DLG2: variants seen among roughly 807,000 people sequenced by gnomAD.
The protein encoded by DLG2 is disks large homolog 2.
DLG2 carries 45 observed loss-of-function variants against 132.5 expected under a neutral mutation model. The ratio of observed to expected loss-of-function variants is 0.34; its 90% CI spans 0.27 to 0.44. The LOEUF (loss-of-function observed/expected upper bound fraction) is 0.44, where lower values mean the gene tolerates loss of function less well. DLG2 is among the 20% of genes least tolerant of loss of function. The pLI, the probability that DLG2 is intolerant of heterozygous loss-of-function variation, is 1.00. For synonymous variants in DLG2, 424 were observed against 419.6 expected (o/e 1.01, Z -0.13); for missense variants, 1,045 against 1,196.9 (o/e 0.87, Z 1.87).
chr11:84,955,396 C>A (rs1383992567), intron 6 of DLG2: 2 of 152,166 alleles, frequency 1.3e-5, no homozygotes, highest in East Asian at 1.9e-4. Flanking sequence ...ACATGGCCAG[C>A]AAGTGGCAGA....
intron 19 of DLG2, among the ~76,000 whole-genome samples, chr11:83,608,733 CAGAGAG>C (rs35163308): frequency 6.7e-6 from 1 of 149,468 alleles, no homozygotes; most frequent in Non-Finnish European, 1.5e-5. Context: ...CGCACACACA[CAGAGAG>C]AGAGAGAGAG....
chr11:85,386,771 A>G (rs1439572276), intron 3 of DLG2, among the ~76,000 whole-genome samples: 1 of 151,600 alleles, frequency 6.6e-6, no homozygotes, highest in Admixed American at 6.6e-5. Context: ...TTAATAAATG[A>G]TAGTGAAAAA....
Position 85,057,293 on chromosome 11 carries a change from C to A in DLG2, c.357+54368G>T, listed in dbSNP as rs1310649770. ...ATTAGAAAAGGCTTTAAAATGATAA[C>A]CATCTATTATAAATGATCAAGAAGA... is the stretch of plus-strand genomic sequence containing the variant. On this transcript the variant is annotated intron_variant, in intron 6 of 27. Transcript: ENST00000376104. Among the ~76,000 whole-genome samples the A allele has an allele frequency of 5.3e-5, 8 of 151,668 alleles. No homozygotes were observed. In the East Asian group the frequency reaches 1.4e-3, roughly 26 times the overall value.
At chr11:85,057,835 CAA>C (rs2063622162) in intron 6 of DLG2, among the ~76,000 whole-genome samples, 1 of 150,140 alleles carries the variant, frequency 6.7e-6, no homozygotes, top group African/African-American at 2.4e-5. Flanking sequence ...CATTAAGAGA[CAA>C]AAAGGAAAAA....
intron 6 of DLG2, among the ~76,000 whole-genome samples, chr11:84,952,660 TGTAAA>T (rs1449555404): frequency 6.6e-6 from 1 of 151,640 alleles, no homozygotes; most frequent in Non-Finnish European, 1.5e-5. Context: ...TGTGCTCACA[TGTAAA>T]GTAAATAGTG....
intron 6 of DLG2, among the ~76,000 whole-genome samples, chr11:84,959,390 A>G (rs2052187273): frequency 6.6e-6 from 1 of 152,194 alleles, no homozygotes; most frequent in Admixed American, 6.5e-5. Context: ...GCAGGAAAAT[A>G]TAAAACAGAG....
At chr11:85,142,631 G>A (rs2076572774) in intron 5 of DLG2, among the ~76,000 whole-genome samples, 1 of 151,708 alleles carries the variant, frequency 6.6e-6, no homozygotes, top group Non-Finnish European at 1.5e-5. Context: ...GGGCATCCTT[G>A]TCTTGTTATA....
At chr11:85,069,387 T>G (rs2065438546) in intron 6 of DLG2, among the ~76,000 whole-genome samples, 1 of 151,926 alleles carries the variant, frequency 6.6e-6, no homozygotes, top group South Asian at 2.1e-4. Flanking sequence ...GGGAGAAAAT[T>G]TTTGCAAGCT....
intron 3 of DLG2, among the ~76,000 whole-genome samples, chr11:85,491,424 T>C (rs1165014821): frequency 2.0e-5 from 3 of 152,032 alleles, no homozygotes; most frequent in Non-Finnish European, 4.4e-5. Flanking sequence ...GCCAGAGCAA[T>C]CAAGCAAGAG....
intron 4 of DLG2, among the ~76,000 whole-genome samples, chr11:85,192,088 A>G (rs1226495685): frequency 6.6e-6 from 1 of 152,214 alleles, no homozygotes; most frequent in Non-Finnish European, 1.5e-5. Context: ...CTACAAATTT[A>G]CACGCTTATC....
chr11:85,273,660 C>G (rs570602294), intron 4 of DLG2, among the ~76,000 whole-genome samples: 34 of 152,306 alleles, frequency 2.2e-4, no homozygotes, highest in Middle Eastern at 6.8e-3. Flanking sequence ...GTTGGTGGGA[C>G]TGTAAACTAG....
chr11:85,473,175 G>T (rs1310733367), intron 3 of DLG2, among the ~76,000 whole-genome samples: 3 of 152,240 alleles, frequency 2.0e-5, no homozygotes, highest in Non-Finnish European at 4.4e-5. Flanking sequence ...CTTGCCCTTG[G>T]TGGGCCTGAG....
intron 7 of DLG2, among the ~76,000 whole-genome samples, chr11:84,476,894 T>C (rs1051653638): frequency 1.3e-5 from 2 of 152,174 alleles, no homozygotes; most frequent in African/African-American, 4.8e-5. Context: ...ATCCCTGCTG[T>C]GTCTTATCTG....
chr11:84,096,734 G>A (rs981310521), intron 10 of DLG2, among the ~76,000 whole-genome samples: 1 of 152,032 alleles, frequency 6.6e-6, no homozygotes, highest in Non-Finnish European at 1.5e-5. Flanking sequence ...GAATCCCCAC[G>A]ATGACTCATA....
intron 4 of DLG2, among the ~76,000 whole-genome samples, chr11:85,274,151 G>A (rs1467225735): frequency 1.3e-5 from 2 of 152,098 alleles, no homozygotes; most frequent in Non-Finnish European, 2.9e-5. Flanking sequence ...TATACCTAAT[G>A]TAAATGATGA....
chr11:85,309,176 C>A (rs1596127204), intron 3 of DLG2, among the ~76,000 whole-genome samples: 1 of 152,018 alleles, frequency 6.6e-6, no homozygotes, highest in East Asian at 1.9e-4. Context: ...ACCAGAGCCA[C>A]CTCAGTCAAA....
intron 3 of DLG2, among the ~76,000 whole-genome samples, chr11:85,430,267 G>A (rs2153011268): frequency 6.6e-6 from 1 of 151,508 alleles, no homozygotes; most frequent in South Asian, 2.1e-4. Context: ...ACGAGTTGAT[G>A]GGTGCAGCAC....
At chr11:83,822,777 T>C (rs1311878386) in intron 17 of DLG2, among the ~76,000 whole-genome samples, 2 of 152,156 alleles carry the variant, frequency 1.3e-5, no homozygotes, top group African/African-American at 4.8e-5. Flanking sequence ...TAAATTCTTT[T>C]TTTTCATATA....
chr11:85,043,887 A>T (rs546718098), intron 6 of DLG2, among the ~76,000 whole-genome samples: 29 of 152,030 alleles, frequency 1.9e-4, no homozygotes, highest in African/African-American at 6.7e-4. Context: ...CCAGTTCCAC[A>T]CTGTCATAAA....
Sources: allele counts gnomAD v4.1 joint callset (sites outside exome capture counted in the v4.1 genomes callset), GRCh38; gene constraint gnomAD v4.1.1; transcripts MANE v1.5; gene names NCBI Gene and HGNC (gene_info 2026-07-23, HGNC 2026-07-21).